OR5H14: variants seen among roughly 807,000 people sequenced by gnomAD.
OR5H14 encodes olfactory receptor family 5 subfamily H member 14.
For synonymous variants in OR5H14, 155 were observed against 130.6 expected (o/e 1.19, Z -1.28); for missense variants, 392 against 363.9 (o/e 1.08, Z -0.63).
chr3:98,150,602 T>C lies in OR5H14; in HGVS notation c.*284T>C, dbSNP rs2107318378. The stretch of plus-strand genomic sequence containing the variant: ...TAATCACTGTGTCTTATAAATGCAT[T>C]AAATGCAAAATAGTCTAGTTTATCT... On this transcript the variant is annotated 3_prime_UTR_variant, in exon 2 of 2. Coordinates refer to ENST00000641380, the MANE Select transcript of OR5H14 (RefSeq NM_001005514.2). The C allele has an allele frequency of 4.5e-6, 1 of 223,472 alleles. No homozygotes were observed. Among genetic ancestry groups the C allele is most frequent in the Non-Finnish European group, 8.8e-6 (1 of 114,122 alleles). 13.8% of individuals were successfully genotyped at this position (223,472 alleles called of 1,614,324 possible).
chr3:98,147,780 T>C (rs1219148550), intron 1 of OR5H14, among the ~76,000 whole-genome samples: 1 of 152,066 alleles, frequency 6.6e-6, no homozygotes, highest in Non-Finnish European at 1.5e-5. Context: ...TTGTATTATC[T>C]TGTTAATCTT....
chr3:98,156,181 T>C lies in OR5H14; in HGVS notation c.*5863T>C, dbSNP rs1456275046. ...TCAGTACACAAAGAATTGCTGCCTG[T>C]GTTATTATCAGATATGCTCTATTAT... On this transcript the variant is annotated 3_prime_UTR_variant, in exon 2 of 2. Transcript: ENST00000641380. 1.3e-5 allele frequency: 2 copies of C among 152,204 alleles called. No individual in the cohort carries two copies. The allele number at this position is 152,204 out of a possible 1,614,324, so 9.4% of individuals were successfully genotyped here. A position where few individuals can be genotyped will look rare whatever the true frequency, so the allele number is the denominator to read the frequency against.
Position 98,154,888 on chromosome 3 carries a change from G to A in OR5H14, c.*4570G>A, listed in dbSNP as rs945785288. On this transcript the variant is annotated 3_prime_UTR_variant, in exon 2 of 2. Transcript: ENST00000641380. ...AAACTTCCTCCTAGCTTGGGGATCT[G>A]ACCACCTTTGTAAAACTCACAGATT... 1 of 152,138 alleles carries A rather than the reference G, an allele frequency of 6.6e-6. No individual in the cohort carries two copies. 9.4% of individuals were successfully genotyped at this position (152,138 alleles called of 1,614,324 possible). A position where few individuals can be genotyped will look rare whatever the true frequency, so the allele number is the denominator to read the frequency against.
rs759326488 is a variant in OR5H14 at position 98,149,897 on chromosome 3, C to T, written c.512C>T (p.Ser171Phe). The change falls in exon 2 of 2, where the codon TCC becomes TTC. Residue 171 changes from serine to phenylalanine, a missense_variant. Coordinates refer to ENST00000641380, the MANE Select transcript of OR5H14 (RefSeq NM_001005514.2). ...TTATTCAGACTAACCTTCTGTAACTCCAACATAATACAACACTTTTACTGT... is the reference window on the plus strand; with the variant it reads ...TTATTCAGACTAACCTTCTGTAACTTCAACATAATACAACACTTTTACTGT... Reference protein sequence around the residue: ...GFLFRLTFCNSNIIQHFYCDI... With the variant: ...GFLFRLTFCNFNIIQHFYCDI... 6.2e-7 allele frequency: 1 copy of T among 1,613,356 alleles called. No individual in the cohort carries two copies. The highest frequency in any genetic ancestry group is 8.5e-7 in the Non-Finnish European group (1 of 1,179,734).
Position 98,155,532 on chromosome 3 carries a change from G to T in OR5H14, c.*5214G>T, listed in dbSNP as rs76971689. The T allele has an allele frequency of 0.18, 26,502 of 146,590 alleles. 70 individuals carry two copies. Among genetic ancestry groups the T allele is most frequent in the East Asian group, 0.36 (1,765 of 4,850 alleles). 9.1% of individuals were successfully genotyped at this position (146,590 alleles called of 1,614,324 possible). A position where few individuals can be genotyped will look rare whatever the true frequency, so the allele number is the denominator to read the frequency against. On this transcript the variant is annotated 3_prime_UTR_variant, in exon 2 of 2. Transcript: ENST00000641380. ...AGTGACAGCACCAACTAGGTGGCAAGGCATTGCAAGATTGTCTTTGTTTTT... is the reference window on the plus strand; with the variant it reads ...AGTGACAGCACCAACTAGGTGGCAATGCATTGCAAGATTGTCTTTGTTTTT...
At position 98,155,395 on chromosome 3, in the gene OR5H14, G is replaced by A. The variant is rs76910506; in HGVS notation, c.*5077G>A. The A allele has an allele frequency of 0.16, 23,798 of 145,406 alleles. No homozygotes were observed. Among genetic ancestry groups the A allele is most frequent in the East Asian group, 0.35 (1,674 of 4,766 alleles). 9.0% of individuals were successfully genotyped at this position (145,406 alleles called of 1,614,324 possible). The stretch of plus-strand genomic sequence containing the variant: ...CAAAAAGATCTCATTAGGTGGTTCC[G>A]TACAGAGAGGGAGCAGTTGGAGTTA... On this transcript the variant is annotated 3_prime_UTR_variant, in exon 2 of 2. Coordinates refer to ENST00000641380, the MANE Select transcript of OR5H14 (RefSeq NM_001005514.2).
chr3:98,151,653 T>C lies in OR5H14; in HGVS notation c.*1335T>C, dbSNP rs1477907465. The stretch of plus-strand genomic sequence containing the variant: ...CATGTGTTTTAGGTGTCAATATCTA[T>C]GTATACATACACTTATGTATACATG... On this transcript the variant is annotated 3_prime_UTR_variant, in exon 2 of 2. Transcript: ENST00000641380. 7 of 152,182 alleles carry C rather than the reference T, an allele frequency of 4.6e-5. No individual in the cohort carries two copies. The South Asian group carries it at 1.2e-3, about 27-fold the overall frequency. The allele number at this position is 152,182 out of a possible 1,614,324, so 9.4% of individuals were successfully genotyped here.
rs1708544593 is a variant in OR5H14, at chr3:98,154,073, A to G, written c.*3755A>G. The G allele has an allele frequency of 6.6e-6, 1 of 152,176 alleles. No individual in the cohort carries two copies. The highest frequency in any genetic ancestry group is 2.4e-5 in the African/African-American group (1 of 41,454). The allele number at this position is 152,176 out of a possible 1,614,324, so 9.4% of individuals were successfully genotyped here. A position where few individuals can be genotyped will look rare whatever the true frequency, so the allele number is the denominator to read the frequency against. ...GGTGGATCCCACTGATGAATAGGAC[A>G]AGTATTTTCTATGCCTGAACTCAAC... On this transcript the variant is annotated 3_prime_UTR_variant, in exon 2 of 2. Coordinates refer to ENST00000641380, the MANE Select transcript of OR5H14 (RefSeq NM_001005514.2).
At position 98,150,056 on chromosome 3, in the gene OR5H14, C is replaced by A. The variant is rs895673926; in HGVS notation, c.671C>A (p.Thr224Lys). ...ATATCTTACATATTTGTCCTCTATA[C>A]AATCTTGAAAAAGAAGTCTGTCAAA... ...VLISYIFVLY[T>K]ILKKKSVKGM... Residue 224 changes from threonine to lysine, a missense_variant, in exon 2 of 2, where the codon ACA (threonine) becomes AAA (lysine). By Grantham distance (78) the Thr-to-Lys change is moderately conservative. Coordinates refer to ENST00000641380, the MANE Select transcript of OR5H14 (RefSeq NM_001005514.2). The A allele has an allele frequency of 5.6e-6, 9 of 1,611,500 alleles. No homozygotes were observed. The East Asian group carries it at 1.3e-4, about 24-fold the overall frequency.
At position 98,153,860 on chromosome 3, in the gene OR5H14, C is replaced by A. The variant is rs541372170; in HGVS notation, c.*3542C>A. The A allele has an allele frequency of 6.6e-6, 1 of 152,248 alleles. No individual in the cohort carries two copies. Among genetic ancestry groups the A allele is most frequent in the South Asian group, 2.1e-4 (1 of 4,822 alleles). The allele number at this position is 152,248 out of a possible 1,614,324, so 9.4% of individuals were successfully genotyped here. ...TATCAAGTTGTCCAGACCTAGCTTG[C>A]AGGGCTTCAGGAAAAGGGCAATGTA... On this transcript the variant is annotated 3_prime_UTR_variant, in exon 2 of 2. Coordinates refer to ENST00000641380, the MANE Select transcript of OR5H14 (RefSeq NM_001005514.2).
intron 1 of OR5H14, among the ~76,000 whole-genome samples, 200 bp downstream of exon 1, chr3:98,147,754 T>A (rs984246825): frequency 6.6e-6 from 1 of 152,062 alleles, no homozygotes; most frequent in Non-Finnish European, 1.5e-5. Context: ...AAGACTGAAT[T>A]GTTCCTTTAA....
In OR5H14 at chr3:98,149,528, T is replaced by C; in HGVS notation, c.143T>C (p.Val48Ala). ...TIMGNLGLIA[V>A]IWKDPHLHIP... The stretch of plus-strand genomic sequence containing the variant: ...ATGGGGAATCTTGGTCTGATTGCTG[T>C]CATCTGGAAAGACCCTCATCTTCAT... Residue 48 changes from valine to alanine, a missense_variant, in exon 2 of 2, where the codon GTC (valine) becomes GCC (alanine). Physicochemically the swap from Val to Ala is moderately conservative, Grantham distance 64. Transcript: ENST00000641380. 1 of 1,613,544 alleles carries C rather than the reference T, an allele frequency of 6.2e-7. No individual in the cohort carries two copies. Among genetic ancestry groups the C allele is most frequent in the Non-Finnish European group, 8.5e-7 (1 of 1,179,584 alleles).
Position 98,154,954 on chromosome 3 carries a change from CT to C in OR5H14, c.*4637del, listed in dbSNP as rs1708564826. 1 of 121,172 alleles carries C rather than the reference CT, an allele frequency of 8.3e-6. No individual in the cohort carries two copies. Among genetic ancestry groups the C allele is most frequent in the African/African-American group, 3.6e-5 (1 of 27,668 alleles). The allele number at this position is 121,172 out of a possible 1,614,324, so 7.5% of individuals were successfully genotyped here. A position where few individuals can be genotyped will look rare whatever the true frequency, so the allele number is the denominator to read the frequency against. ...ATTATGGCTCCTGATCATCATGCAA[CT>C]GGAGGCCATGGAATTCTAACCTTCC... On this transcript the variant is annotated 3_prime_UTR_variant, in exon 2 of 2. Transcript: ENST00000641380.
chr3:98,149,299 C>A (rs912865020), intron 1 of OR5H14, 69 bp from the exon 2 acceptor site: 3 of 1,505,074 alleles, frequency 2.0e-6, no homozygotes, highest in Non-Finnish European at 1.8e-6. Context: ...TATATCAACA[C>A]CTCTTTCCCA....
Position 98,148,281 on chromosome 3 carries a change from T to A in OR5H14, c.-19+727T>A, listed in dbSNP as rs1708448773. ...CAAAAAAGATCACATCTTGGCTATT[T>A]ACCAGACATATGTCCACTTTGTTAC... On this transcript the variant is annotated intron_variant, in intron 1 of 1. Transcript: ENST00000641380. The A allele has an allele frequency of 2.6e-5, 4 of 152,080 alleles. No homozygotes were observed. The South Asian group carries it at 8.3e-4, about 32-fold the overall frequency. The allele number at this position is 152,080 out of a possible 1,614,324, so 9.4% of individuals were successfully genotyped here. A position where few individuals can be genotyped will look rare whatever the true frequency, so the allele number is the denominator to read the frequency against.
rs1184502493 is a variant in OR5H14 at position 98,149,750 on chromosome 3, G to A, written c.365G>A (p.Arg122His). ...CFLLATMAYD[R>H]YVAICKPLLY... is the part of the protein sequence containing the mutation. The stretch of plus-strand genomic sequence containing the variant: ...CTCTTGGCAACAATGGCATATGATC[G>A]CTATGTAGCCATATGCAAACCCTTA... Residue 122 changes from arginine to histidine, a missense_variant, in exon 2 of 2, where the codon CGC becomes CAC. By Grantham distance (29) the Arg-to-His change is conservative. Transcript: ENST00000641380. 6 of 1,612,756 alleles carry A rather than the reference G, an allele frequency of 3.7e-6. No homozygotes were observed. The highest frequency in any genetic ancestry group is 2.2e-5 in the East Asian group (1 of 44,866).
Position 98,155,573 on chromosome 3 carries a change from T to A in OR5H14, c.*5255T>A, listed in dbSNP as rs75358250. 0.17 allele frequency: 25,421 copies of A among 147,020 alleles called. No homozygotes were observed. The highest frequency in any genetic ancestry group is 0.36 in the East Asian group (1,777 of 4,872). The allele number at this position is 147,020 out of a possible 1,614,324, so 9.1% of individuals were successfully genotyped here. ...CTTTGTTTTTATTTTTTCCTCCCCC[T>A]GATGTTTGCCTGTTAACATTTCTCA... On this transcript the variant is annotated 3_prime_UTR_variant, in exon 2 of 2. Transcript: ENST00000641380.
chr3:98,154,619 T>C lies in OR5H14; in HGVS notation c.*4301T>C, dbSNP rs1204491215. ...AAATGTAACTGAGCAAAAGGCTTAG[T>C]AGATGCAGAGTGACAAGATAGAGTA... On this transcript the variant is annotated 3_prime_UTR_variant, in exon 2 of 2. Transcript: ENST00000641380. 2.0e-5 allele frequency: 3 copies of C among 152,230 alleles called. No homozygotes were observed. Among genetic ancestry groups the C allele is most frequent in the Admixed American group, 1.3e-4 (2 of 15,270 alleles). The allele number at this position is 152,230 out of a possible 1,614,324, so 9.4% of individuals were successfully genotyped here.
rs766959663 is a variant in OR5H14, at chr3:98,150,004, C to A, written c.619C>A (p.Gln207Lys). The A allele has an allele frequency of 6.2e-7, 1 of 1,612,952 alleles. No homozygotes were observed. Among genetic ancestry groups the A allele is most frequent in the South Asian group, 1.1e-5 (1 of 91,030 alleles). Residue 207 changes from glutamine (Q) to lysine (K), a missense_variant, in exon 2 of 2, where the codon CAA (glutamine) becomes AAA (lysine). Transcript: ENST00000641380. ...GGTTTTTATTTTTGCAGGTTCAATT[C>A]AAGTTTTTACCATAGGGACTGTTCT... Reference protein sequence around the residue: ...LMVFIFAGSIQVFTIGTVLIS... With the variant: ...LMVFIFAGSIKVFTIGTVLIS...
Sources: gnomAD v4.1 joint callset for allele counts (sites outside exome capture counted in the v4.1 genomes callset) on GRCh38, gnomAD v4.1.1 for gene constraint, MANE v1.5 for transcripts, NCBI Gene and HGNC (gene_info 2026-07-23, HGNC 2026-07-21) for gene names.